Variants in ARHGEF37 observed in about 807,000 individuals in gnomAD.
ARHGEF37 encodes the protein Rho guanine nucleotide exchange factor 37.
ARHGEF37 carries 55 observed loss-of-function variants against 71.1 expected under a neutral mutation model. The ratio of observed to expected loss-of-function variants is 0.77; its 90% confidence interval spans 0.62 to 0.97. ARHGEF37 has a LOEUF of 0.97. ARHGEF37 is among the 50% of genes least tolerant of loss of function. The pLI, the probability that ARHGEF37 is intolerant of heterozygous loss-of-function variation, is 0.00. For missense variants in ARHGEF37, 765 were observed against 836.8 expected (o/e 0.91, Z 1.06); for synonymous variants, 327 against 350.6 (o/e 0.93, Z 0.75).
chr5:149,609,830 A>T, intron 4 of ARHGEF37, 135 bp downstream of exon 4: 1 of 1,273,510 alleles, frequency 7.9e-7, no homozygotes, highest in East Asian at 2.5e-5. Context: ...GTTAGTCAGG[A>T]TAGGGCAGGC....
intron 1 of ARHGEF37, among the ~76,000 whole-genome samples, chr5:149,597,407 C>T (rs938066786): frequency 2.6e-5 from 4 of 151,990 alleles, no homozygotes; most frequent in Non-Finnish European, 5.9e-5. Flanking sequence ...TACAGGAGCC[C>T]GCCACCATGC....
chr5:149,597,215 G>T (rs1763572040), intron 1 of ARHGEF37, among the ~76,000 whole-genome samples: 1 of 152,084 alleles, frequency 6.6e-6, no homozygotes, highest in Admixed American at 6.5e-5. Flanking sequence ...CAAGCATGTT[G>T]TCTGGGTCCT....
intron 7 of ARHGEF37, among the ~76,000 whole-genome samples, 188 bp from the exon 8 acceptor site, chr5:149,620,166 G>A (rs1280648905): frequency 6.6e-6 from 1 of 152,188 alleles, no homozygotes; most frequent in Non-Finnish European, 1.5e-5. Flanking sequence ...GAAAGATGTT[G>A]ACTCAGTCTA....
At chr5:149,603,138 G>A (rs1690525966) in intron 3 of ARHGEF37, among the ~76,000 whole-genome samples, 1 of 151,954 alleles carries the variant, frequency 6.6e-6, no homozygotes, top group Non-Finnish European at 1.5e-5. Flanking sequence ...TCACCATGTT[G>A]GCCAGGCTGG....
chr5:149,614,858 C>T lies in ARHGEF37; in HGVS notation c.459-1709C>T, dbSNP rs188923402. On this transcript the variant is annotated intron_variant, in intron 4 of 12. Transcript: ENST00000333677. The stretch of plus-strand genomic sequence containing the variant: ...TCCTAAGGAAGGAGAGCCAGAGGCA[C>T]GAGTATCATCAGGGAGGGCCCAGAG... Among the ~76,000 whole-genome samples, 50 of 152,278 alleles carry T rather than the reference C, an allele frequency of 3.3e-4. No homozygotes were observed. In the South Asian group the frequency reaches 7.5e-3, roughly 23 times the overall value.
intron 3 of ARHGEF37, among the ~76,000 whole-genome samples, chr5:149,609,168 G>C (rs575064771): frequency 6.6e-6 from 1 of 152,216 alleles, no homozygotes; most frequent in African/African-American, 2.4e-5. Flanking sequence ...TGGGGGACAA[G>C]AGCAAGACTC....
At chr5:149,561,937 A>G (rs1186982315) in intron 1 of ARHGEF37, among the ~76,000 whole-genome samples, 1 of 152,204 alleles carries the variant, frequency 6.6e-6, no homozygotes, top group Non-Finnish European at 1.5e-5. Flanking sequence ...CAAGGGCATG[A>G]AACTGTGCTC....
Position 149,609,561 on chromosome 5 carries a change from G to A in ARHGEF37, c.324G>A (p.Leu108=). ...EQVQLVGNIF[L]EFQEELEQVY... ...CTTCACTCTCAGGTAACATATTTCTGGAATTCCAAGAGGAGTTGGAGCAAG... is the reference window on the plus strand; with the variant it reads ...CTTCACTCTCAGGTAACATATTTCTAGAATTCCAAGAGGAGTTGGAGCAAG... The change falls in exon 4 of 13, where the codon CTG becomes CTA. Residue 108 remains leucine (L), a synonymous_variant. Coordinates refer to ENST00000333677, the MANE Select transcript of ARHGEF37 (RefSeq NM_001001669.3). The A allele has an allele frequency of 6.2e-7, 1 of 1,613,958 alleles. No individual in the cohort carries two copies. The highest frequency in any genetic ancestry group is 8.5e-7 in the Non-Finnish European group (1 of 1,179,958).
At chr5:149,571,939 C>G (rs1374490526) in intron 1 of ARHGEF37, among the ~76,000 whole-genome samples, 1 of 145,880 alleles carries the variant, frequency 6.9e-6, no homozygotes, top group African/African-American at 2.5e-5. Context: ...AGTTGACAAG[C>G]TGATTTTTAA....
At chr5:149,585,293 A>G (rs1313497397) in intron 1 of ARHGEF37, among the ~76,000 whole-genome samples, 2 of 152,214 alleles carry the variant, frequency 1.3e-5, no homozygotes, top group African/African-American at 4.8e-5. Flanking sequence ...TGTTATCCGG[A>G]AACTTCACTC....
chr5:149,608,216 C>T lies in ARHGEF37; in HGVS notation c.311-1332C>T, dbSNP rs1763971398. 2.0e-5 allele frequency among the ~76,000 whole-genome samples: 3 copies of T among 152,220 alleles called. No homozygotes were observed. The South Asian group carries it at 6.2e-4, about 32-fold the overall frequency. ...TTGCTTCAGGCCATCTGGATGTATA[C>T]GTGCAGGTCACTGGGGATATGATGG... On this transcript the variant is annotated intron_variant, in intron 3 of 12. Transcript: ENST00000333677.
intron 1 of ARHGEF37, among the ~76,000 whole-genome samples, chr5:149,576,237 T>C (rs374604852): frequency 1.3e-5 from 2 of 152,284 alleles, no homozygotes; most frequent in African/African-American, 4.8e-5. Context: ...AAAGCGAGAC[T>C]CCGTCTCAAA....
intron 1 of ARHGEF37, among the ~76,000 whole-genome samples, chr5:149,588,611 A>G (rs115658620): frequency 0.026 from 3,912 of 152,242 alleles, 70 homozygotes; most frequent in Admixed American, 0.041. Context: ...TTATTCTTCA[A>G]CAGGGTCCTT....
chr5:149,610,755 G>T (rs891522822), intron 4 of ARHGEF37, among the ~76,000 whole-genome samples: 11 of 152,234 alleles, frequency 7.2e-5, no homozygotes, highest in African/African-American at 2.4e-5. Context: ...TGAGATAAAA[G>T]GGAGAAGTGG....
chr5:149,560,539 A>G (rs1007520436), intron 1 of ARHGEF37, among the ~76,000 whole-genome samples: 5 of 152,212 alleles, frequency 3.3e-5, no homozygotes, highest in African/African-American at 1.2e-4. Flanking sequence ...AGGAAATCTG[A>G]TTTTAATTGT....
At chr5:149,588,006 C>T (rs1018189713) in intron 1 of ARHGEF37, among the ~76,000 whole-genome samples, 2 of 149,588 alleles carry the variant, frequency 1.3e-5, no homozygotes, top group Non-Finnish European at 3.0e-5. Flanking sequence ...AAGCGATTCT[C>T]CTGCCTCAGC....
rs183681140 is a variant in ARHGEF37, at chr5:149,611,359, G to T, written c.458+1664G>T. The stretch of plus-strand genomic sequence containing the variant: ...CCATGTAGAAATGAGGGTCTGTTGT[G>T]GCCAGAGCCTCTGCTTTTTTAAGAG... On this transcript the variant is annotated intron_variant, in intron 4 of 12. Transcript: ENST00000333677. 1.8e-4 allele frequency among the ~76,000 whole-genome samples: 27 copies of T among 152,322 alleles called. 3 individuals carry two copies. In the South Asian group the frequency reaches 3.9e-3, roughly 22 times the overall value.
chr5:149,602,492 AT>A (rs71587783), intron 3 of ARHGEF37, among the ~76,000 whole-genome samples: 42,605 of 144,788 alleles, frequency 0.29, 6,662 homozygotes, highest in Admixed American at 0.46. Context: ...CTTTGGTTTA[AT>A]TTTTTTTTTT....
intron 1 of ARHGEF37, among the ~76,000 whole-genome samples, chr5:149,591,887 A>C (rs1312400426): frequency 6.6e-6 from 1 of 152,254 alleles, no homozygotes; most frequent in Non-Finnish European, 1.5e-5. Context: ...GATGTTCACT[A>C]GGTGTCAGGT....
Sources: allele counts gnomAD v4.1 joint callset (sites outside exome capture counted in the v4.1 genomes callset), GRCh38; gene constraint gnomAD v4.1.1; transcripts MANE v1.5; gene names NCBI Gene and HGNC (gene_info 2026-07-23, HGNC 2026-07-21).